Variants in ADARB1 observed in about 807,000 individuals in gnomAD.
ADARB1 encodes the protein double-stranded RNA-specific editase 1.
In ADARB1, 10 loss-of-function variants were observed where a neutral mutation model predicts 52.4. The observed-to-expected ratio is 0.19, with a 90% confidence interval of 0.12 to 0.32. ADARB1 has a LOEUF of 0.32. Among genes scored for constraint, ADARB1 ranks in the 10% least tolerant of loss-of-function variants. ADARB1 has a pLI of 1.00. For missense variants in ADARB1, 643 were observed against 922.3 expected (o/e 0.70, Z 3.92); for synonymous variants, 349 against 371.1 (o/e 0.94, Z 0.68).
Position 45,143,834 on chromosome 21 carries a change from T to C in ADARB1, c.-48+15261T>C, listed in dbSNP as rs576652061. Among the ~76,000 whole-genome samples, 36 of 152,352 alleles carry C rather than the reference T, an allele frequency of 2.4e-4. 1 individual carries two copies. The South Asian group carries it at 4.6e-3, about 19-fold the overall frequency. The stretch of plus-strand genomic sequence containing the variant: ...CGCTGCAGTCTTTTCCGCAATGGCA[T>C]CGCCACTACTGCCCTCCCACATCCA... On this transcript the variant is annotated intron_variant, in intron 2 of 10. Coordinates refer to ENST00000348831, the MANE Select transcript of ADARB1 (RefSeq NM_001112.4).
At chr21:45,190,888 C>G (rs2092263300) in intron 8 of ADARB1, among the ~76,000 whole-genome samples, 1 of 152,248 alleles carries the variant, frequency 6.6e-6, no homozygotes, top group African/African-American at 2.4e-5. Flanking sequence ...TGGAGGCTTC[C>G]TCCCACTTAG....
intron 8 of ADARB1, among the ~76,000 whole-genome samples, chr21:45,203,596 T>C (rs2092607032): frequency 1.3e-5 from 2 of 152,180 alleles, no homozygotes; most frequent in African/African-American, 2.4e-5. Context: ...TGTGAAGGCA[T>C]GTGTGTGTTG....
chr21:45,164,871 T>C (rs1414273997), intron 2 of ADARB1, among the ~76,000 whole-genome samples: 1 of 152,108 alleles, frequency 6.6e-6, no homozygotes, highest in East Asian at 1.9e-4. Context: ...GGAGAAGAGC[T>C]GGTGACATGG....
chr21:45,212,210 C>T (rs1400063037), intron 9 of ADARB1, among the ~76,000 whole-genome samples: 1 of 152,076 alleles, frequency 6.6e-6, no homozygotes, highest in Non-Finnish European at 1.5e-5. Flanking sequence ...GATTCAATTC[C>T]ATTATGGTCA....
chr21:45,155,533 C>T (rs899549845), intron 2 of ADARB1, among the ~76,000 whole-genome samples: 1 of 152,002 alleles, frequency 6.6e-6, no homozygotes, highest in African/African-American at 2.4e-5. Context: ...TCCATCTGTC[C>T]GTCAACCTAT....
chr21:45,182,986 C>T (rs1344009733), intron 6 of ADARB1, among the ~76,000 whole-genome samples: 1 of 152,172 alleles, frequency 6.6e-6, no homozygotes, highest in Non-Finnish European at 1.5e-5. Flanking sequence ...GTGTTTAAGA[C>T]CATGTGATTT....
Position 45,208,304 on chromosome 21 carries a change from AG to A in ADARB1, c.1747+3570del, listed in dbSNP as rs2092703023. Among the ~76,000 whole-genome samples the A allele has an allele frequency of 6.6e-6, 1 of 152,180 alleles. No homozygotes were observed. Among genetic ancestry groups the A allele is most frequent in the Admixed American group, 6.5e-5 (1 of 15,282 alleles). On this transcript the variant is annotated intron_variant, in intron 9 of 10. Transcript: ENST00000348831. The surrounding 1 kb of genome is among the most constrained non-coding windows in gnomAD (Gnocchi z 5.6). The stretch of plus-strand genomic sequence containing the variant: ...CAGCCTGCTCCGGGGTTTGCAGACA[AG>A]GCTTCCTATCCTGCTGGTTTTCATG...
chr21:45,119,382 A>G (rs1038271514), intron 1 of ADARB1, among the ~76,000 whole-genome samples: 1 of 152,222 alleles, frequency 6.6e-6, no homozygotes, highest in South Asian at 2.1e-4. Flanking sequence ...TGCCTAGCCT[A>G]AAAGCCTTTT....
chr21:45,223,902 A>C lies in ADARB1; in HGVS notation c.*1705A>C. 1.0e-6 allele frequency: 1 copy of C among 985,486 alleles called. No individual in the cohort carries two copies. Among genetic ancestry groups the C allele is most frequent in the Admixed American group, 6.1e-5 (1 of 16,288 alleles). The allele number at this position is 985,486 out of a possible 1,614,324, so 61.0% of individuals were successfully genotyped here. ...GACATGACCGGGTTCAGCGGCTAGA[A>C]CATCTGCCCCACAGCAGCCTCCTCC... On this transcript the variant is annotated 3_prime_UTR_variant, in exon 11 of 11. Coordinates refer to ENST00000348831, the MANE Select transcript of ADARB1 (RefSeq NM_001112.4).
At chr21:45,170,364 A>G (rs1208119233) in intron 2 of ADARB1, among the ~76,000 whole-genome samples, 1 of 152,222 alleles carries the variant, frequency 6.6e-6, no homozygotes, top group African/African-American at 2.4e-5. Flanking sequence ...AGGTTCTTGT[A>G]TCTAGCACAA....
Position 45,080,631 on chromosome 21 carries a change from C to T in ADARB1, c.-220+5838C>T, listed in dbSNP as rs77850851. Among the ~76,000 whole-genome samples the T allele has an allele frequency of 3.4e-3, 524 of 152,314 alleles. 1 individual carries two copies. Among genetic ancestry groups the T allele is most frequent in the African/African-American group, 0.012 (480 of 41,562 alleles). On this transcript the variant is annotated intron_variant, in intron 1 of 10. Transcript: ENST00000348831. Reference sequence around the variant, plus strand: ...CTGAACATGCCATGGGGCGTACTTACGGAAAGATACATGTGGAAATGGAAT... The same window carrying T: ...CTGAACATGCCATGGGGCGTACTTATGGAAAGATACATGTGGAAATGGAAT...
Position 45,180,388 on chromosome 21 carries a change from ACTT to A in ADARB1, c.1025_1027del (p.Phe342del). On this transcript the variant is annotated inframe_deletion, in exon 5 of 11. Transcript: ENST00000348831. ...GGTAAGTTTGGTGACCTGACCGACA[ACTT>A]CTCCTCCCCTCACGCTCGCAGAAAA... 6.2e-7 allele frequency: 1 copy of A among 1,614,080 alleles called. No homozygotes were observed. The highest frequency in any genetic ancestry group is 8.5e-7 in the Non-Finnish European group (1 of 1,180,008).
At chr21:45,122,980 T>C (rs1469644725) in intron 1 of ADARB1, among the ~76,000 whole-genome samples, 1 of 152,208 alleles carries the variant, frequency 6.6e-6, no homozygotes, top group Non-Finnish European at 1.5e-5. Context: ...TTGTTTCATA[T>C]GGTTGATCAT....
rs551121706 is a variant in ADARB1 at position 45,135,874 on chromosome 21, G to A, written c.-48+7301G>A. 2.5e-4 allele frequency among the ~76,000 whole-genome samples: 38 copies of A among 152,278 alleles called. 1 individual carries two copies. The Middle Eastern group carries it at 0.017, about 68-fold the overall frequency. On this transcript the variant is annotated intron_variant, in intron 2 of 10. Transcript: ENST00000348831. ...GACTGTGCTGCCCCTCACCCTCCCC[G>A]GTGGGTCCTCTGTGATGGGGGTGGG...
At chr21:45,213,080 A>G (rs964978880) in intron 9 of ADARB1, among the ~76,000 whole-genome samples, 1 of 152,212 alleles carries the variant, frequency 6.6e-6, no homozygotes, top group Non-Finnish European at 1.5e-5. Context: ...GTGAAGTCAG[A>G]TAAGTCTCAG....
chr21:45,133,889 G>T (rs1279399613), intron 2 of ADARB1, among the ~76,000 whole-genome samples: 2 of 139,824 alleles, frequency 1.4e-5, no homozygotes, highest in East Asian at 4.4e-4. Context: ...ACAGTGGTGT[G>T]TGCGCCCGAC....
Position 45,204,583 on chromosome 21 carries a change from C to T in ADARB1, c.1594C>T (p.Leu532=), listed in dbSNP as rs1399626342. ...GAACGTGGTGGGCATCCAGGGATCCCTGCTCAGCATTTTCGTGGAGCCCAT... is the reference window on the plus strand; with the variant it reads ...GAACGTGGTGGGCATCCAGGGATCCTTGCTCAGCATTTTCGTGGAGCCCAT... The part of the protein sequence containing the change: ...RWNVVGIQGS[L]LSIFVEPIYF... Residue 532 remains leucine, a synonymous_variant, in exon 9 of 11, where the codon CTG becomes TTG. Transcript: ENST00000348831. The surrounding 1 kb of genome is among the most constrained non-coding windows in gnomAD (Gnocchi z 4.4). 13 of 1,614,144 alleles carry T rather than the reference C, an allele frequency of 8.1e-6. No individual in the cohort carries two copies. Among genetic ancestry groups the T allele is most frequent in the Non-Finnish European group, 1.0e-5 (12 of 1,180,022 alleles).
At chr21:45,145,502 G>A (rs1288464101) in intron 2 of ADARB1, 3 of 152,320 alleles carry the variant, frequency 2.0e-5, no homozygotes, top group Admixed American at 6.5e-5. Context: ...TAAGGGAGGT[G>A]GGTAGAGCCG....
chr21:45,082,393 A>G (rs962898990), intron 1 of ADARB1, among the ~76,000 whole-genome samples: 3 of 152,254 alleles, frequency 2.0e-5, no homozygotes, highest in Non-Finnish European at 2.9e-5. Flanking sequence ...TAAAAAAATC[A>G]TAAGTCAGAC....
Sources: gnomAD v4.1 joint callset for allele counts (sites outside exome capture counted in the v4.1 genomes callset) on GRCh38, gnomAD v4.1.1 for gene constraint, Gnocchi (gnomAD v3.1) non-coding constraint, MANE v1.5 for transcripts, NCBI Gene and HGNC (gene_info 2026-07-23, HGNC 2026-07-21) for gene names.